Variants in ZRANB2 observed in about 807,000 individuals in gnomAD.
ZRANB2 encodes the protein zinc finger RANBP2-type containing 2.
In ZRANB2, 19 loss-of-function variants were observed where a neutral mutation model predicts 53.4. The ratio of observed to expected loss-of-function variants is 0.36; its 90% CI spans 0.25 to 0.52. ZRANB2 has a LOEUF of 0.52. ZRANB2 is among the 20% of genes least tolerant of loss of function. The pLI, the probability that ZRANB2 is intolerant of heterozygous loss-of-function variation, is 0.93. For synonymous variants in ZRANB2, 145 were observed against 134.8 expected (o/e 1.08, Z -0.52); for missense variants, 309 against 401.1 (o/e 0.77, Z 1.96).
intron 4 of ZRANB2, among the ~76,000 whole-genome samples, chr1:71,076,331 G>A (rs1370263913): frequency 6.6e-6 from 1 of 152,172 alleles, no homozygotes; most frequent in East Asian, 1.9e-4. Flanking sequence ...AACTTTAACA[G>A]TTCTGCATTT....
Position 71,076,601 on chromosome 1 carries a change from T to C in ZRANB2, c.301+194A>G, listed in dbSNP as rs543526816. ...TTGTTAGGATAAAGGTCCCTAACACTGTTATTTTATAAATTGTGAAACAAA... is the reference window on the plus strand; with the variant it reads ...TTGTTAGGATAAAGGTCCCTAACACCGTTATTTTATAAATTGTGAAACAAA... On this transcript the variant is annotated intron_variant, in intron 4 of 9. Transcript: ENST00000370920. 7.2e-5 allele frequency among the ~76,000 whole-genome samples: 11 copies of C among 152,342 alleles called. No homozygotes were observed. The South Asian group carries it at 2.3e-3, about 32-fold the overall frequency.
chr1:71,070,800 T>C (rs1336286921), intron 7 of ZRANB2, 27 bp downstream of exon 7: 2 of 1,375,626 alleles, frequency 1.5e-6, no homozygotes, highest in Non-Finnish European at 9.7e-7. Flanking sequence ...TTTTGACTGG[T>C]GTTACCCTTG....
chr1:71,078,527 T>A lies in ZRANB2; in HGVS notation c.148A>T (p.Thr50Ser). 6.2e-7 allele frequency: 1 copy of A among 1,614,050 alleles called. No individual in the cohort carries two copies. Among genetic ancestry groups the A allele is most frequent in the Non-Finnish European group, 8.5e-7 (1 of 1,179,970 alleles). ...TEAKMMKAGG[T>S]EIGKTLAEKS... ...TCTGCAAGTGTCTTTCCTATTTCAGTGCCCCCAGCTTTCATCATCTTGGCC... is the reference window on the plus strand; with the variant it reads ...TCTGCAAGTGTCTTTCCTATTTCAGAGCCCCCAGCTTTCATCATCTTGGCC... The change falls in exon 3 of 10, where the codon ACT (threonine) becomes TCT (serine). Residue 50 changes from threonine (T) to serine (S), a missense_variant. By Grantham distance (58) the Thr-to-Ser change is moderately conservative. Around this residue, in one of 3 missense-constraint regions of ZRANB2, gnomAD observed 74 missense variants for 180.1 expected, o/e 0.41. Transcript: ENST00000370920.
intron 9 of ZRANB2, chr1:71,066,533 A>T: frequency 2.8e-6 from 1 of 353,110 alleles, no homozygotes; most frequent in Non-Finnish European, 5.0e-6. Context: ...GGCTATAAAA[A>T]TTATAAATGG....
At chr1:71,075,119 A>G (rs1661678800) in intron 4 of ZRANB2, among the ~76,000 whole-genome samples, 1 of 152,214 alleles carries the variant, frequency 6.6e-6, no homozygotes, top group Non-Finnish European at 1.5e-5. Flanking sequence ...TGTTAAAAAG[A>G]TTTTAGACTT....
At chr1:71,069,073 A>G (rs115720755) in intron 8 of ZRANB2, among the ~76,000 whole-genome samples, 118 of 152,280 alleles carry the variant, frequency 7.7e-4, no homozygotes, top group African/African-American at 2.5e-3. Flanking sequence ...ACCTGATTTC[A>G]ATCATGGGAA....
At chr1:71,067,827 A>T (rs1661485902) in intron 8 of ZRANB2, 1 of 337,640 alleles carries the variant, frequency 3.0e-6, no homozygotes, top group Non-Finnish European at 5.8e-6. Context: ...GCGCTTAAAT[A>T]TTGTTACTAA....
chr1:71,067,027 T>C (rs551482930), intron 8 of ZRANB2, 93 bp from the exon 9 acceptor site: 1 of 1,280,120 alleles, frequency 7.8e-7, no homozygotes, highest in East Asian at 2.7e-5. Context: ...ATAAACAGGA[T>C]TTATAACAAC....
intron 1 of ZRANB2, among the ~76,000 whole-genome samples, chr1:71,079,809 A>T (rs772631857): frequency 6.6e-6 from 1 of 152,200 alleles, no homozygotes; most frequent in Non-Finnish European, 1.5e-5. Context: ...GAACGTTTTC[A>T]ATAATGTCTT....
At chr1:71,065,558 T>C in intron 9 of ZRANB2, 2 of 1,382,662 alleles carry the variant, frequency 1.4e-6, no homozygotes, top group Non-Finnish European at 9.5e-7. Context: ...ACAGCAAGGC[T>C]TCTGTGTATG....
Position 71,071,009 on chromosome 1 carries a change from C to T in ZRANB2, c.514-13G>A. On this transcript the variant is annotated splice_polypyrimidine_tract_variant and intron_variant, in intron 6 of 9. Coordinates refer to ENST00000370920, the MANE Select transcript of ZRANB2 (RefSeq NM_203350.3). ...CTTCATCCTCATCCTAACAAAAATT[C>T]AATTATAATTAGACATTTAGATATT... 1 of 1,538,510 alleles carries T rather than the reference C, an allele frequency of 6.5e-7. No individual in the cohort carries two copies. Among genetic ancestry groups the T allele is most frequent in the East Asian group, 2.3e-5 (1 of 43,662 alleles).
At chr1:71,067,642 C>A in intron 8 of ZRANB2, 1 of 437,030 alleles carries the variant, frequency 2.3e-6, no homozygotes, top group East Asian at 8.1e-5. Flanking sequence ...GCTCAAACTT[C>A]CCAAAAAATT....
chr1:71,063,902 A>G lies in ZRANB2; in HGVS notation c.*1172T>C, dbSNP rs896238444. ...CCATAACAAAAAGCCCCCAAGCACA[A>G]CTGTTGATTTCCTTTGATATACTTA... On this transcript the variant is annotated 3_prime_UTR_variant, in exon 10 of 10. Coordinates refer to ENST00000370920, the MANE Select transcript of ZRANB2 (RefSeq NM_203350.3). 3 of 152,382 alleles carry G rather than the reference A, an allele frequency of 2.0e-5. No individual in the cohort carries two copies. The highest frequency in any genetic ancestry group is 4.4e-5 in the Non-Finnish European group (3 of 67,848). 9.4% of individuals were successfully genotyped at this position (152,382 alleles called of 1,614,324 possible).
chr1:71,079,716 G>T (rs1423817185), intron 1 of ZRANB2, among the ~76,000 whole-genome samples: 1 of 152,126 alleles, frequency 6.6e-6, no homozygotes, highest in African/African-American at 2.4e-5. Flanking sequence ...CTACCTCTGG[G>T]TGTGCTGTCA....
chr1:71,071,073 C>G (rs888595559), intron 6 of ZRANB2, 77 bp from the exon 7 acceptor site: 1 of 1,276,554 alleles, frequency 7.8e-7, no homozygotes. Flanking sequence ...GTTAGGTGTA[C>G]TGAGCACCTC....
rs1661452162 is a variant in ZRANB2, at chr1:71,066,809, T to C, written c.896A>G (p.Lys299Arg). 1.2e-6 allele frequency: 2 copies of C among 1,612,578 alleles called. No homozygotes were observed. Among genetic ancestry groups the C allele is most frequent in the African/African-American group, 2.7e-5 (2 of 75,002 alleles). The change falls in exon 9 of 10, where the codon AAA becomes AGA. Residue 299 changes from lysine (K) to arginine (R), a missense_variant. Around this residue, in one of 3 missense-constraint regions of ZRANB2, gnomAD observed 211 missense variants for 196.1 expected, o/e 1.08. Coordinates refer to ENST00000370920, the MANE Select transcript of ZRANB2 (RefSeq NM_203350.3). ...TGACCGTGATCTTGTTCGTCTTTTTTTGCGATCACCAGATGAAGAAGATCT... is the reference window on the plus strand; with the variant it reads ...TGACCGTGATCTTGTTCGTCTTTTTCTGCGATCACCAGATGAAGAAGATCT... ...RSRSSSSGDRKKRRTRSRSPE... is the reference protein window; with the variant it reads ...RSRSSSSGDRRKRRTRSRSPE...
chr1:71,074,245 G>A (rs538313606), intron 4 of ZRANB2, among the ~76,000 whole-genome samples: 1 of 152,148 alleles, frequency 6.6e-6, no homozygotes, highest in East Asian at 1.9e-4. Flanking sequence ...TGTCTTCAAG[G>A]AATGAATACA....
Position 71,066,605 on chromosome 1 carries a change from T to C in ZRANB2, c.929+171A>G, listed in dbSNP as rs138195792. Reference sequence around the variant, plus strand: ...GTTTGATCTACAATTCTAAACAACCTGATCAAAGTACAAAGGATAAGCAAA... The same window carrying C: ...GTTTGATCTACAATTCTAAACAACCCGATCAAAGTACAAAGGATAAGCAAA... On this transcript the variant is annotated intron_variant, in intron 9 of 9. Coordinates refer to ENST00000370920, the MANE Select transcript of ZRANB2 (RefSeq NM_203350.3). The C allele has an allele frequency of 5.9e-3, 3,058 of 518,590 alleles. 29 individuals are homozygous for C. The highest frequency in any genetic ancestry group is 7.2e-3 in the Non-Finnish European group (2,250 of 311,882). 32.1% of individuals were successfully genotyped at this position (518,590 alleles called of 1,614,324 possible).
chr1:71,080,455 G>A (rs972229989), intron 1 of ZRANB2, among the ~76,000 whole-genome samples: 2 of 152,128 alleles, frequency 1.3e-5, no homozygotes, highest in Admixed American at 1.3e-4. Flanking sequence ...CGGAAAAGGG[G>A]AAAATAGTAT....
Sources: gnomAD v4.1 joint callset for allele counts (sites outside exome capture counted in the v4.1 genomes callset) on GRCh38, gnomAD v4.1.1 for gene constraint, gnomAD v4.1.1 regional missense constraint, MANE v1.5 for transcripts, NCBI Gene and HGNC (gene_info 2026-07-23, HGNC 2026-07-21) for gene names.